CFAP61: variants seen among roughly 807,000 people sequenced by gnomAD.
The protein encoded by CFAP61 is cilia- and flagella-associated protein 61.
In CFAP61, 107 loss-of-function variants were observed where a neutral mutation model predicts 135.6. The ratio of observed to expected loss-of-function variants is 0.79; its 90% CI spans 0.67 to 0.93. CFAP61 has a LOEUF of 0.93. Among genes scored for constraint, CFAP61 ranks in the 40% least tolerant of loss-of-function variants. The probability of loss-of-function intolerance (pLI) is 0.00; values close to 1 mark genes in which losing one functional copy is unlikely to be tolerated. For synonymous variants in CFAP61, 575 were observed against 578.5 expected (o/e 0.99, Z 0.09); for missense variants, 1,507 against 1,556.2 (o/e 0.97, Z 0.53).
At chr20:20,339,970 G>A (rs545964264) in intron 25 of CFAP61, among the ~76,000 whole-genome samples, 55 of 152,200 alleles carry the variant, frequency 3.6e-4, no homozygotes, top group Non-Finnish European at 6.6e-4. Flanking sequence ...CACAAGATCC[G>A]AGACACCCTC....
At chr20:20,353,422 G>A (rs911658680) in intron 26 of CFAP61, among the ~76,000 whole-genome samples, 12 of 152,084 alleles carry the variant, frequency 7.9e-5, no homozygotes, top group Admixed American at 3.3e-4. Context: ...CTGAGCTGCC[G>A]GGATAGGCTC....
At chr20:20,183,579 A>G (rs1269381528) in intron 13 of CFAP61, among the ~76,000 whole-genome samples, 1 of 152,248 alleles carries the variant, frequency 6.6e-6, no homozygotes, top group Non-Finnish European at 1.5e-5. Flanking sequence ...CCACATGTGT[A>G]ATTTTAGATT....
At chr20:20,175,649 C>T (rs1019388708) in intron 13 of CFAP61, among the ~76,000 whole-genome samples, 2 of 152,068 alleles carry the variant, frequency 1.3e-5, no homozygotes, top group Non-Finnish European at 2.9e-5. Flanking sequence ...GCCTCAGCCT[C>T]CCGAGTAGCT....
At chr20:20,236,497 A>G (rs2049601068) in intron 18 of CFAP61, among the ~76,000 whole-genome samples, 1 of 152,202 alleles carries the variant, frequency 6.6e-6, no homozygotes, top group South Asian at 2.1e-4. Context: ...CTTCTAAGTC[A>G]CATCATTACT....
In CFAP61 at chr20:20,067,802, T is replaced by G. The variant is rs894345230; in HGVS notation, c.144-3052T>G. On this transcript the variant is annotated intron_variant, in intron 2 of 26. Transcript: ENST00000245957. ...TATATATATATATATACCTACCTTC[T>G]CCCTCTACCTTTTCCTCCTCTTCTT... is the stretch of plus-strand genomic sequence containing the variant. Among the ~76,000 whole-genome samples the G allele has an allele frequency of 7.4e-5, 11 of 147,940 alleles. No individual in the cohort carries two copies. In the East Asian group the frequency reaches 2.1e-3, roughly 29 times the overall value.
At chr20:20,171,777 G>T (rs759673365) in intron 13 of CFAP61, 1 of 706,282 alleles carries the variant, frequency 1.4e-6, no homozygotes, top group Non-Finnish European at 2.6e-6. Flanking sequence ...TTTAATGAAT[G>T]TAGAAACATT....
chr20:20,269,190 T>C (rs868782811), intron 21 of CFAP61, among the ~76,000 whole-genome samples: 25 of 92,810 alleles, frequency 2.7e-4, no homozygotes, highest in South Asian at 1.0e-3. Context: ...TACACACACA[T>C]ATATACATAT....
intron 15 of CFAP61, among the ~76,000 whole-genome samples, chr20:20,191,719 TA>T (rs1397596177): frequency 6.6e-6 from 1 of 151,600 alleles, no homozygotes; most frequent in Non-Finnish European, 1.5e-5. Flanking sequence ...TAATATGTTC[TA>T]AGTATTACTA....
intron 17 of CFAP61, among the ~76,000 whole-genome samples, chr20:20,217,616 C>A (rs1351689287): frequency 6.6e-6 from 1 of 152,174 alleles, no homozygotes; most frequent in Non-Finnish European, 1.5e-5. Context: ...GAGGCCTAAG[C>A]CAGCAGAGCA....
At chr20:20,146,569 T>C (rs182078181) in intron 9 of CFAP61, among the ~76,000 whole-genome samples, 1 of 152,356 alleles carries the variant, frequency 6.6e-6, no homozygotes, top group African/African-American at 2.4e-5. Context: ...TGAAGTTTTC[T>C]GTGGTGAGAA....
chr20:20,075,026 A>G (rs1035251133), intron 4 of CFAP61, among the ~76,000 whole-genome samples, 163 bp from the exon 5 acceptor site: 1 of 152,218 alleles, frequency 6.6e-6, no homozygotes, highest in African/African-American at 2.4e-5. Context: ...AAGAAAAAGA[A>G]ATTGCCTTGA....
chr20:20,137,427 G>C (rs989078014), intron 8 of CFAP61, among the ~76,000 whole-genome samples: 1 of 152,088 alleles, frequency 6.6e-6, no homozygotes, highest in African/African-American at 2.4e-5. Flanking sequence ...CTGGTGCTCT[G>C]TTCTACTGCA....
intron 26 of CFAP61, among the ~76,000 whole-genome samples, chr20:20,346,955 T>G (rs967284188): frequency 1.3e-5 from 2 of 152,344 alleles, no homozygotes; most frequent in Admixed American, 1.3e-4. Context: ...AGAATGCACA[T>G]TCTTCTCAAG....
intron 1 of CFAP61, chr20:20,056,121 C>A: frequency 5.1e-6 from 4 of 777,630 alleles, no homozygotes; most frequent in Non-Finnish European, 8.5e-6. Context: ...GGTGGCCCTT[C>A]AGGAAGCCTA....
chr20:20,194,504 G>A (rs755844057), intron 15 of CFAP61, among the ~76,000 whole-genome samples: 1 of 152,026 alleles, frequency 6.6e-6, no homozygotes, highest in African/African-American at 2.4e-5. Flanking sequence ...TTAATAATTT[G>A]TCTTCTCTGC....
At chr20:20,057,075 C>A (rs2044407003) in intron 2 of CFAP61, among the ~76,000 whole-genome samples, 1 of 149,706 alleles carries the variant, frequency 6.7e-6, no homozygotes. Flanking sequence ...CCAAGACACG[C>A]CACTGCACTC....
intron 23 of CFAP61, among the ~76,000 whole-genome samples, chr20:20,289,549 G>T (rs2054852553): frequency 1.3e-5 from 2 of 152,174 alleles, no homozygotes. Flanking sequence ...AAAATTACGT[G>T]TTCCCTTCCT....
chr20:20,069,821 C>G, intron 2 of CFAP61: 2 of 451,234 alleles, frequency 4.4e-6, no homozygotes, highest in Non-Finnish European at 8.9e-6. Flanking sequence ...ATGTCACTTT[C>G]TGTCCTCCTG....
At chr20:20,172,056 G>A in intron 13 of CFAP61, 1 of 411,904 alleles carries the variant, frequency 2.4e-6, no homozygotes, top group Non-Finnish European at 3.9e-6. Context: ...AGGGAGCCTG[G>A]AAGATATGTT....
Sources: gnomAD v4.1 joint callset for allele counts (sites outside exome capture counted in the v4.1 genomes callset) on GRCh38, gnomAD v4.1.1 for gene constraint, MANE v1.5 for transcripts, NCBI Gene and HGNC (gene_info 2026-07-23, HGNC 2026-07-21) for gene names.